The following DENND4C variants were observed in gnomAD, a reference collection of about 807,000 sequenced individuals.
DENND4C encodes the protein DENN domain containing 4C, also known as DENN domain-containing protein 4C.
A neutral mutation model predicts 203.0 loss-of-function variants in DENND4C; 108 were observed. The observed-to-expected ratio is 0.53, with a 90% CI of 0.46 to 0.62. DENND4C has a LOEUF of 0.62. Ranked by LOEUF, DENND4C falls within the 20% of genes least tolerant of loss-of-function variation. DENND4C has a pLI of 0.00. For missense variants in DENND4C, 2,481 were observed against 2,301.2 expected, an observed-to-expected ratio of 1.08 and a Z score of -1.60; for synonymous variants, 871 against 792.4, an observed-to-expected ratio of 1.10 and a Z score of -1.67.
At chr9:19,347,143 C>A in intron 23 of DENND4C, 57 bp downstream of exon 23, 3 of 1,464,414 alleles carry the variant, frequency 2.0e-6, no homozygotes, top group Non-Finnish European at 2.8e-6. Context: ...TAGTATCTTT[C>A]TAGAAATATA....
rs184346673 is a variant in DENND4C at position 19,373,389 on chromosome 9, G to T, written c.*1216G>T. 1 of 152,700 alleles carries T rather than the reference G, an allele frequency of 6.5e-6. No individual in the cohort carries two copies. Among genetic ancestry groups the T allele is most frequent in the East Asian group, 1.9e-4 (1 of 5,178 alleles). The allele number at this position is 152,700 out of a possible 1,614,324, so 9.5% of individuals were successfully genotyped here. A position where few individuals can be genotyped will look rare whatever the true frequency, so the allele number is the denominator to read the frequency against. On this transcript the variant is annotated 3_prime_UTR_variant, in exon 33 of 33. Coordinates refer to ENST00000434457, the MANE Select transcript of DENND4C (RefSeq NM_001330640.2). ...ATTGGAATGTGCTTAAAATGCTAAA[G>T]TGTATGTCATTGAACATGAAATCTT...
intron 16 of DENND4C, among the ~76,000 whole-genome samples, chr9:19,329,153 C>G (rs766928682): frequency 4.6e-5 from 7 of 152,110 alleles, no homozygotes; most frequent in Non-Finnish European, 7.3e-5. Context: ...CAACTACCAC[C>G]ACAATTAATT....
intron 23 of DENND4C, among the ~76,000 whole-genome samples, chr9:19,347,995 T>C (rs59269170): frequency 0.01 from 1,545 of 152,306 alleles, 24 homozygotes; most frequent in African/African-American, 0.033. Flanking sequence ...AAAATTGAAA[T>C]TTCACCTTGT....
At position 19,371,654 on chromosome 9, in the gene DENND4C, A is replaced by G. The variant is rs752277403; in HGVS notation, c.5676-102A>G. ...AGGACATTGACATAGTTATATTACT[A>G]TTAACTAGATGACAGAACTTAATGT... On this transcript the variant is annotated intron_variant, in intron 31 of 32. Transcript: ENST00000434457. 46 of 632,660 alleles carry G rather than the reference A, an allele frequency of 7.3e-5. 1 individual carries two copies. The highest frequency in any genetic ancestry group is 4.2e-4 in the South Asian group (24 of 57,444). The allele number at this position is 632,660 out of a possible 1,614,324, so 39.2% of individuals were successfully genotyped here.
chr9:19,244,352 A>G (rs1461691949), intron 1 of DENND4C, among the ~76,000 whole-genome samples: 2 of 151,912 alleles, frequency 1.3e-5, no homozygotes, highest in Middle Eastern at 3.4e-3. Context: ...AATTTGTCCT[A>G]TCTCTTGTTT....
At chr9:19,353,993 T>C (rs1407801778) in intron 26 of DENND4C, among the ~76,000 whole-genome samples, 1 of 152,210 alleles carries the variant, frequency 6.6e-6, no homozygotes, top group African/African-American at 2.4e-5. Flanking sequence ...CACTATCATC[T>C]TTGGACTGTG....
At chr9:19,262,604 G>A (rs1829653124) in intron 1 of DENND4C, among the ~76,000 whole-genome samples, 2 of 151,810 alleles carry the variant, frequency 1.3e-5, no homozygotes, top group Admixed American at 6.6e-5. Flanking sequence ...GCTAATTTTT[G>A]TATTTTTAGT....
At chr9:19,312,083 A>G (rs957848617) in intron 10 of DENND4C, among the ~76,000 whole-genome samples, 1 of 152,082 alleles carries the variant, frequency 6.6e-6, no homozygotes, top group Non-Finnish European at 1.5e-5. Context: ...ATTGGGAAAA[A>G]AATCACAAAA....
At chr9:19,244,094 A>C (rs975175845) in intron 1 of DENND4C, among the ~76,000 whole-genome samples, 1 of 151,800 alleles carries the variant, frequency 6.6e-6, no homozygotes, top group African/African-American at 2.4e-5. Flanking sequence ...GCAGTGGCGC[A>C]ATCTCGGCTC....
Position 19,334,983 on chromosome 9 carries a change from T to C in DENND4C, c.2467T>C (p.Tyr823His). 1 of 1,593,860 alleles carries C rather than the reference T, an allele frequency of 6.3e-7. No individual in the cohort carries two copies. Among genetic ancestry groups the C allele is most frequent in the South Asian group, 1.2e-5 (1 of 86,760 alleles). The change falls in exon 18 of 33, where the codon TAT (tyrosine) becomes CAT (histidine). Residue 823 changes from tyrosine (Y) to histidine (H), a missense_variant. Around this residue, in one of 3 missense-constraint regions of DENND4C, gnomAD observed 2,289 missense variants for 2,113.3 expected, o/e 1.08. Coordinates refer to ENST00000434457, the MANE Select transcript of DENND4C (RefSeq NM_001330640.2). The stretch of plus-strand genomic sequence containing the variant: ...GATTTTTTTTTTTTGTTAGGTGTGC[T>C]ATCGAGTAGTGATGCAGCTTTGTGG... ...TDVDPLDEVC[Y>H]RVVMQLCGLW... is the part of the protein sequence containing the mutation.
chr9:19,360,365 C>T lies in DENND4C; in HGVS notation c.5282C>T (p.Ser1761Phe), dbSNP rs902403913. The T allele has an allele frequency of 1.2e-6, 2 of 1,613,954 alleles. No individual in the cohort carries two copies. The highest frequency in any genetic ancestry group is 1.3e-5 in the African/African-American group (1 of 74,898). Residue 1761 changes from serine to phenylalanine, a missense_variant, in exon 29 of 33, where the codon TCT (serine) becomes TTT (phenylalanine). Physicochemically the swap from Ser to Phe is radical, Grantham distance 155. Coordinates refer to ENST00000434457, the MANE Select transcript of DENND4C (RefSeq NM_001330640.2). ...GAAGGTGATCAGGTGATTCATACAT[C>T]TTCTTTCATCAATCAACATCCAATC... is the stretch of plus-strand genomic sequence containing the variant. ...ENEGDQVIHT[S>F]SFINQHPIIF...
chr9:19,333,215 A>G (rs1338422074), intron 17 of DENND4C, among the ~76,000 whole-genome samples: 5 of 150,728 alleles, frequency 3.3e-5, no homozygotes, highest in Non-Finnish European at 5.9e-5. Flanking sequence ...TGGGGTCTCG[A>G]TATGTTACCT....
At chr9:19,319,183 A>G (rs923273788) in intron 12 of DENND4C, among the ~76,000 whole-genome samples, 33 of 148,098 alleles carry the variant, frequency 2.2e-4, no homozygotes, top group East Asian at 1.9e-4. Context: ...AAATATATGT[A>G]TATATATACA....
At chr9:19,363,601 C>T (rs1342245752) in intron 30 of DENND4C, among the ~76,000 whole-genome samples, 2 of 151,954 alleles carry the variant, frequency 1.3e-5, no homozygotes, top group African/African-American at 4.8e-5. Flanking sequence ...GTCACATTGG[C>T]AATTAGGGCC....
intron 5 of DENND4C, 52 bp from the exon 6 acceptor site, chr9:19,295,956 T>C: frequency 7.4e-7 from 1 of 1,357,338 alleles, no homozygotes. Context: ...AAAGAGAAGT[T>C]AATTTTTTCA....
At chr9:19,365,102 TAAG>T (rs1031212598) in intron 30 of DENND4C, among the ~76,000 whole-genome samples, 4 of 152,072 alleles carry the variant, frequency 2.6e-5, no homozygotes, top group Non-Finnish European at 4.4e-5. Context: ...AATGACATCA[TAAG>T]AAAATTAAAA....
At chr9:19,289,298 C>G (rs186648834) in intron 4 of DENND4C, among the ~76,000 whole-genome samples, 20 of 152,180 alleles carry the variant, frequency 1.3e-4, no homozygotes, top group Non-Finnish European at 2.2e-4. Flanking sequence ...CAGGTATGCT[C>G]CAGTTGTAAA....
chr9:19,239,647 C>T (rs539676445), intron 1 of DENND4C, among the ~76,000 whole-genome samples: 34 of 152,056 alleles, frequency 2.2e-4, no homozygotes, highest in African/African-American at 5.8e-4. Flanking sequence ...CCACCATGCC[C>T]GGCTAATTTT....
intron 23 of DENND4C, among the ~76,000 whole-genome samples, chr9:19,348,322 A>G (rs1235263811): frequency 6.6e-6 from 1 of 152,240 alleles, no homozygotes; most frequent in African/African-American, 2.4e-5. Context: ...CTCTTACCTT[A>G]GAAGCGATAT....
Sources: gnomAD v4.1 joint callset for allele counts (sites outside exome capture counted in the v4.1 genomes callset) on GRCh38, gnomAD v4.1.1 for gene constraint, gnomAD v4.1.1 regional missense constraint, MANE v1.5 for transcripts, NCBI Gene and HGNC (gene_info 2026-07-23, HGNC 2026-07-21) for gene names.